Variants in LRFN2 observed in about 807,000 individuals in gnomAD.
LRFN2 encodes the protein leucine-rich repeat and fibronectin type-III domain-containing protein 2.
In LRFN2, 18 loss-of-function variants were observed where a neutral mutation model predicts 37.3. That is an observed-to-expected ratio of 0.48 (90% confidence interval 0.33 to 0.72). The LOEUF (loss-of-function observed/expected upper bound fraction) is 0.72. Among genes scored for constraint, LRFN2 ranks in the 30% least tolerant of loss-of-function variants. LRFN2 has a pLI of 0.02. For synonymous variants in LRFN2, 556 were observed against 466.6 expected, an observed-to-expected ratio of 1.19 and a Z score of -2.47; for missense variants, 1,006 against 1,060.7, an observed-to-expected ratio of 0.95 and a Z score of 0.72.
intron 2 of LRFN2, among the ~76,000 whole-genome samples, chr6:40,427,155 C>T (rs1363926672): frequency 2.0e-5 from 3 of 152,220 alleles, no homozygotes; most frequent in African/African-American, 7.2e-5. Context: ...GACAATTGGC[C>T]AAGCCTATTT....
chr6:40,540,089 C>T (rs1766524688), intron 1 of LRFN2, among the ~76,000 whole-genome samples: 1 of 152,182 alleles, frequency 6.6e-6, no homozygotes. Flanking sequence ...TGAGAGAACA[C>T]ATGTGGTGTC....
At chr6:40,526,038 T>C (rs1581778665) in intron 1 of LRFN2, among the ~76,000 whole-genome samples, 1 of 152,214 alleles carries the variant, frequency 6.6e-6, no homozygotes, top group South Asian at 2.1e-4. Flanking sequence ...TTTTCCTGGT[T>C]TAATAGCAGT....
chr6:40,552,081 G>T (rs1255917726), intron 1 of LRFN2, among the ~76,000 whole-genome samples: 2 of 152,170 alleles, frequency 1.3e-5, no homozygotes, highest in Non-Finnish European at 2.9e-5. Flanking sequence ...ATGTCTTTTT[G>T]TTTCATTCTC....
At chr6:40,505,098 G>T (rs546561914) in intron 1 of LRFN2, among the ~76,000 whole-genome samples, 1 of 152,228 alleles carries the variant, frequency 6.6e-6, no homozygotes, top group Admixed American at 6.5e-5. Flanking sequence ...GCAGCCAGTG[G>T]GCTCTGTCTG....
intron 2 of LRFN2, among the ~76,000 whole-genome samples, chr6:40,426,713 A>G (rs913442006): frequency 6.6e-6 from 1 of 152,204 alleles, no homozygotes; most frequent in African/African-American, 2.4e-5. Context: ...TAAAGGAGCC[A>G]TGAGTTCTTT....
At chr6:40,437,336 C>T (rs770596354) in intron 1 of LRFN2, among the ~76,000 whole-genome samples, 11 of 152,148 alleles carry the variant, frequency 7.2e-5, no homozygotes, top group Non-Finnish European at 1.5e-4. Flanking sequence ...CCCTTCTACC[C>T]TTGGCTGTGT....
chr6:40,466,608 G>A (rs1349423386), intron 1 of LRFN2, among the ~76,000 whole-genome samples: 4 of 152,108 alleles, frequency 2.6e-5, no homozygotes, highest in African/African-American at 4.8e-5. Context: ...ACAGCATCCT[G>A]GGCTGGACCT....
intron 2 of LRFN2, among the ~76,000 whole-genome samples, chr6:40,417,716 A>T (rs1293884868): frequency 6.6e-6 from 1 of 152,098 alleles, no homozygotes; most frequent in Non-Finnish European, 1.5e-5. Flanking sequence ...ACATAGGCCC[A>T]AGGATTCTGC....
intron 1 of LRFN2, among the ~76,000 whole-genome samples, chr6:40,527,627 T>C (rs1232032679): frequency 2.0e-5 from 3 of 152,154 alleles, no homozygotes; most frequent in African/African-American, 7.2e-5. Flanking sequence ...AGAGAGCCAA[T>C]ATACACTTGG....
chr6:40,565,912 G>T (rs1458434542), intron 1 of LRFN2, among the ~76,000 whole-genome samples: 2 of 152,018 alleles, frequency 1.3e-5, no homozygotes, highest in Middle Eastern at 3.2e-3. Flanking sequence ...AAGAGCTTCT[G>T]CACAGCAAAA....
chr6:40,432,508 C>T lies in LRFN2; in HGVS notation c.606G>A (p.Leu202=), dbSNP rs753995758. Residue 202 remains leucine, a synonymous_variant, in exon 2 of 3, where the codon CTG becomes CTA. Transcript: ENST00000338305. ...TFADLQKLAR[L]DLTSNRLQKL... is the part of the protein sequence containing the mutation. ...TCTGCAGCCGATTGGAGGTGAGATC[C>T]AGGCGGGCCAGTTTCTGCAGGTCTG... The T allele has an allele frequency of 6.2e-7, 1 of 1,614,214 alleles. No individual in the cohort carries two copies.
At chr6:40,465,733 T>C (rs1022824701) in intron 1 of LRFN2, among the ~76,000 whole-genome samples, 1 of 152,044 alleles carries the variant, frequency 6.6e-6, no homozygotes, top group Non-Finnish European at 1.5e-5. Flanking sequence ...TTTCTGGGAA[T>C]TTGGGGACTG....
At position 40,392,025 on chromosome 6, in the gene LRFN2, A is replaced by C. The variant is rs1194860771; in HGVS notation, c.2288T>G (p.Leu763Arg). Residue 763 changes from leucine to arginine, a missense_variant, in exon 3 of 3, where the codon CTC becomes CGC. Around this residue, in one of 4 missense-constraint regions of LRFN2, gnomAD observed 398 missense variants for 327.6 expected, o/e 1.21. Coordinates refer to ENST00000338305, the MANE Select transcript of LRFN2 (RefSeq NM_020737.3). This position sits in a 1 kb window ranked among gnomAD's most constrained non-coding sequence, Gnocchi z 4.7. ...TKRSLSVNGMLLPFEESDLVG... is the reference protein window; with the variant it reads ...TKRSLSVNGMRLPFEESDLVG... Reference sequence around the variant, plus strand: ...CAGGTCACTCTCCTCAAAGGGCAAGAGCATGCCGTTGACAGAGAGGCTGCG... The same window carrying C: ...CAGGTCACTCTCCTCAAAGGGCAAGCGCATGCCGTTGACAGAGAGGCTGCG... 1 of 1,613,592 alleles carries C rather than the reference A, an allele frequency of 6.2e-7. No individual in the cohort carries two copies. The highest frequency in any genetic ancestry group is 2.2e-5 in the East Asian group (1 of 44,858).
chr6:40,449,179 A>G (rs1242902786), intron 1 of LRFN2, among the ~76,000 whole-genome samples: 2 of 152,220 alleles, frequency 1.3e-5, no homozygotes, highest in Non-Finnish European at 2.9e-5. Flanking sequence ...TTCTCACTAC[A>G]AAAGTGTTAA....
intron 1 of LRFN2, among the ~76,000 whole-genome samples, chr6:40,490,066 C>G (rs777411419): frequency 7.2e-5 from 11 of 152,166 alleles, no homozygotes; most frequent in Non-Finnish European, 1.6e-4. Context: ...GATCAGTCAG[C>G]TCCAGGGGGA....
Position 40,555,426 on chromosome 6 carries a change from C to T in LRFN2, c.-19+31515G>A, listed in dbSNP as rs557578754. Among the ~76,000 whole-genome samples, 7 of 152,326 alleles carry T rather than the reference C, an allele frequency of 4.6e-5. No individual in the cohort carries two copies. The South Asian group carries it at 1.4e-3, about 32-fold the overall frequency. Reference sequence around the variant, plus strand: ...GACTACGCCAGCAGGATGCAGTAAACCTTTCTCAGAAGTATTGATCACAGA... The same window carrying T: ...GACTACGCCAGCAGGATGCAGTAAATCTTTCTCAGAAGTATTGATCACAGA... On this transcript the variant is annotated intron_variant, in intron 1 of 2. Transcript: ENST00000338305.
At chr6:40,558,753 C>T (rs1377814388) in intron 1 of LRFN2, among the ~76,000 whole-genome samples, 2 of 152,206 alleles carry the variant, frequency 1.3e-5, no homozygotes, top group Non-Finnish European at 2.9e-5. Context: ...CTGACATTGT[C>T]ATTTAATCCC....
intron 1 of LRFN2, among the ~76,000 whole-genome samples, chr6:40,564,564 C>CTTCT (rs1767055026): frequency 6.6e-6 from 1 of 152,142 alleles, no homozygotes. Flanking sequence ...CACCTGCACA[C>CTTCT]TTCTATCCAT....
chr6:40,461,491 C>A (rs1764346817), intron 1 of LRFN2, among the ~76,000 whole-genome samples: 2 of 151,744 alleles, frequency 1.3e-5, no homozygotes, highest in African/African-American at 2.4e-5. Flanking sequence ...CATTCCTTCG[C>A]ATAGCAAATA....
Sources: gnomAD v4.1 joint callset for allele counts (sites outside exome capture counted in the v4.1 genomes callset) on GRCh38, gnomAD v4.1.1 for gene constraint, gnomAD v4.1.1 regional missense constraint, Gnocchi (gnomAD v3.1) non-coding constraint, MANE v1.5 for transcripts, NCBI Gene and HGNC (gene_info 2026-07-23, HGNC 2026-07-21) for gene names.